NAALAD2: variants seen among roughly 807,000 people sequenced by gnomAD.
The protein encoded by NAALAD2 is N-acetylated-alpha-linked acidic dipeptidase 2.
Under a neutral mutation model 95.6 loss-of-function variants are expected in NAALAD2, and 89 were observed. That is an observed-to-expected ratio of 0.93 (90% CI 0.78 to 1.11). The LOEUF (loss-of-function observed/expected upper bound fraction) is 1.11. Among genes scored for constraint, NAALAD2 ranks in the 50% least tolerant of loss-of-function variants. The pLI, the probability that NAALAD2 is intolerant of heterozygous loss-of-function variation, is 0.00. For missense variants in NAALAD2, 894 were observed against 872.4 expected (o/e 1.02, Z -0.31); for synonymous variants, 264 against 294.4 (o/e 0.90, Z 1.06).
chr11:90,135,619 G>C lies in NAALAD2; in HGVS notation c.143G>C (p.Arg48Pro), dbSNP rs755610436. Residue 48 changes from arginine (R) to proline (P), a missense_variant, in exon 2 of 19, where the codon CGG becomes CCG. Transcript: ENST00000534061. ...TCTGTGCGCTATCATCAAAGTATAC[G>C]GTGGAAACTGGTATCCGAAATGAAA... ...TTSVRYHQSIRWKLVSEMKAE... is the reference protein window; with the variant it reads ...TTSVRYHQSIPWKLVSEMKAE... The C allele has an allele frequency of 6.2e-7, 1 of 1,613,290 alleles. No homozygotes were observed. The highest frequency in any genetic ancestry group is 1.3e-5 in the African/African-American group (1 of 74,962).
chr11:90,137,655 G>A (rs914346219), intron 2 of NAALAD2, among the ~76,000 whole-genome samples: 3 of 152,146 alleles, frequency 2.0e-5, no homozygotes, highest in African/African-American at 7.2e-5. Context: ...CCAGGCTGGA[G>A]TACAGTGGTG....
chr11:90,184,780 A>G (rs960605941), intron 18 of NAALAD2, among the ~76,000 whole-genome samples: 1 of 151,980 alleles, frequency 6.6e-6, no homozygotes, highest in African/African-American at 2.4e-5. Context: ...ACTTATATAC[A>G]TGTTTATATA....
At chr11:90,169,979 G>A (rs1952585743) in intron 12 of NAALAD2, 90 bp from the exon 13 acceptor site, 3 of 847,556 alleles carry the variant, frequency 3.5e-6, no homozygotes, top group Non-Finnish European at 6.0e-6. Context: ...ATTATATCTT[G>A]TTTAAAATTA....
At chr11:90,157,043 C>T (rs1412397081) in intron 6 of NAALAD2, among the ~76,000 whole-genome samples, 1 of 152,048 alleles carries the variant, frequency 6.6e-6, no homozygotes, top group Admixed American at 6.5e-5. Flanking sequence ...TCTATATGCA[C>T]TTGAAAAGAA....
chr11:90,169,117 A>G (rs1952558891), intron 12 of NAALAD2, 125 bp downstream of exon 12: 2 of 584,684 alleles, frequency 3.4e-6, no homozygotes, highest in Non-Finnish European at 5.9e-6. Flanking sequence ...CACCTCAGAT[A>G]TCCCCTTCCT....
intron 4 of NAALAD2, among the ~76,000 whole-genome samples, chr11:90,150,238 G>A (rs1342437454): frequency 1.3e-5 from 2 of 151,798 alleles, no homozygotes; most frequent in African/African-American, 2.4e-5. Context: ...CTGGGTGACA[G>A]TGAAATTCCG....
At position 90,158,159 on chromosome 11, in the gene NAALAD2, C is replaced by G; in HGVS notation, c.811C>G (p.Leu271Val). Residue 271 changes from leucine to valine, a missense_variant, in exon 7 of 19, where the codon CTT becomes GTT. Coordinates refer to ENST00000534061, the MANE Select transcript of NAALAD2 (RefSeq NM_005467.4). ...GYPAKEYTFRLDVEEGVGIPR... is the reference protein window; with the variant it reads ...GYPAKEYTFRVDVEEGVGIPR... ...GATTTTTTTAGAATACACTTTCAGA[C>G]TTGATGTTGAAGAAGGAGTGGGAAT... The G allele has an allele frequency of 6.2e-7, 1 of 1,605,832 alleles. No homozygotes were observed. Among genetic ancestry groups the G allele is most frequent in the Non-Finnish European group, 8.5e-7 (1 of 1,174,904 alleles).
intron 2 of NAALAD2, 120 bp downstream of exon 2, chr11:90,135,790 C>T (rs906452858): frequency 1.2e-5 from 8 of 663,882 alleles, no homozygotes; most frequent in African/African-American, 2.2e-5. Flanking sequence ...ACATATTAGT[C>T]ATCAACTTTT....
chr11:90,152,155 C>A, intron 5 of NAALAD2, 143 bp from the exon 6 acceptor site: 1 of 691,232 alleles, frequency 1.4e-6, no homozygotes, highest in Non-Finnish European at 2.2e-6. Context: ...AAATTGTGTT[C>A]AAAGCCAAGA....
intron 18 of NAALAD2, among the ~76,000 whole-genome samples, chr11:90,188,190 T>C (rs1433844039): frequency 1.3e-5 from 2 of 152,196 alleles, no homozygotes; most frequent in East Asian, 3.8e-4. Flanking sequence ...TATAGTTCAC[T>C]ATGTACAGAG....
intron 8 of NAALAD2, 47 bp from the exon 9 acceptor site, chr11:90,162,902 A>G (rs779940397): frequency 4.6e-6 from 5 of 1,079,696 alleles, no homozygotes; most frequent in Non-Finnish European, 6.8e-6. Flanking sequence ...ACACTGTAAA[A>G]AACATAATTT....
At chr11:90,149,816 G>A (rs540496998) in intron 4 of NAALAD2, among the ~76,000 whole-genome samples, 2 of 152,242 alleles carry the variant, frequency 1.3e-5, no homozygotes, top group South Asian at 2.1e-4. Context: ...GGATTTTATA[G>A]ATCATACCAT....
chr11:90,177,581 T>C (rs1952831001), intron 15 of NAALAD2, among the ~76,000 whole-genome samples: 1 of 134,600 alleles, frequency 7.4e-6, no homozygotes, highest in East Asian at 2.1e-4. Context: ...TTTTTTCTTT[T>C]TCTTGTTTTT....
intron 11 of NAALAD2, among the ~76,000 whole-genome samples, chr11:90,167,221 G>A (rs957321169): frequency 2.6e-5 from 4 of 152,154 alleles, no homozygotes; most frequent in East Asian, 1.9e-4. Flanking sequence ...GGGGCTGCGC[G>A]GGCGCTTGCG....
At chr11:90,178,779 T>C (rs1392059235) in intron 16 of NAALAD2, among the ~76,000 whole-genome samples, 1 of 152,250 alleles carries the variant, frequency 6.6e-6, no homozygotes, top group East Asian at 1.9e-4. Flanking sequence ...TTTTTAATTA[T>C]TGTCAACAAA....
intron 2 of NAALAD2, among the ~76,000 whole-genome samples, chr11:90,144,405 A>G (rs201910940): frequency 6.6e-6 from 1 of 152,102 alleles, no homozygotes; most frequent in African/African-American, 2.4e-5. Flanking sequence ...GGAAAATAAA[A>G]CAGCCGGCAT....
intron 6 of NAALAD2, among the ~76,000 whole-genome samples, chr11:90,155,567 AAT>A (rs1267813695): frequency 2.4e-5 from 2 of 82,110 alleles, no homozygotes; most frequent in Non-Finnish European, 4.2e-5. Context: ...TGTAATATAT[AAT>A]ATATAATATA....
At chr11:90,159,143 G>T in intron 7 of NAALAD2, 96 bp from the exon 8 acceptor site, 1 of 934,978 alleles carries the variant, frequency 1.1e-6, no homozygotes, top group Non-Finnish European at 1.7e-6. Context: ...ACAAATATTT[G>T]TTATATATAT....
chr11:90,156,537 A>T (rs545880335), intron 6 of NAALAD2, among the ~76,000 whole-genome samples: 1 of 152,222 alleles, frequency 6.6e-6, no homozygotes, highest in East Asian at 1.9e-4. Context: ...CCCTATAAGC[A>T]CTACTTTAGC....
Sources: gnomAD v4.1 joint callset for allele counts (sites outside exome capture counted in the v4.1 genomes callset) on GRCh38, gnomAD v4.1.1 for gene constraint, MANE v1.5 for transcripts, NCBI Gene and HGNC (gene_info 2026-07-23, HGNC 2026-07-21) for gene names.